Variants in UNC80 observed in about 807,000 individuals in gnomAD.
UNC80 encodes the protein unc-80 subunit of NALCN channel complex.
Under a neutral mutation model 384.6 loss-of-function variants are expected in UNC80, and 164 were observed. That is an observed-to-expected ratio of 0.43 (90% CI 0.38 to 0.49). UNC80 has a LOEUF of 0.49. Ranked by LOEUF, UNC80 falls within the 20% of genes least tolerant of loss-of-function variation. The pLI is 0.00. For missense variants in UNC80, 3,330 were observed against 4,143.0 expected, an observed-to-expected ratio of 0.80 and a Z score of 5.39; for synonymous variants, 1,486 against 1,527.8, an observed-to-expected ratio of 0.97 and a Z score of 0.64.
chr2:209,784,103 T>A (rs2077293344), intron 4 of UNC80, among the ~76,000 whole-genome samples: 1 of 152,236 alleles, frequency 6.6e-6, no homozygotes, highest in Admixed American at 6.5e-5. Flanking sequence ...CCTTGACAAC[T>A]TTTTCTCTCA....
intron 15 of UNC80, among the ~76,000 whole-genome samples, chr2:209,829,823 A>G (rs1005412626): frequency 6.6e-6 from 1 of 152,206 alleles, no homozygotes; most frequent in Non-Finnish European, 1.5e-5. Flanking sequence ...GGGAGAAAAA[A>G]CCTTACGATT....
At chr2:209,971,547 G>C (rs1559417341) in intron 54 of UNC80, among the ~76,000 whole-genome samples, 1 of 151,306 alleles carries the variant, frequency 6.6e-6, no homozygotes. Flanking sequence ...GTAAATCACT[G>C]GAAAGCTCCA....
At chr2:209,959,285 T>C (rs2092515025) in intron 50 of UNC80, 131 bp downstream of exon 50, 2 of 1,239,904 alleles carry the variant, frequency 1.6e-6, no homozygotes, top group Admixed American at 4.1e-5. Context: ...CCCCCAAAAG[T>C]GGGTTTACTA....
chr2:209,909,795 T>C (rs960083773), intron 29 of UNC80, among the ~76,000 whole-genome samples: 4 of 152,014 alleles, frequency 2.6e-5, no homozygotes, highest in East Asian at 2.0e-4. Flanking sequence ...AAAAATGTCA[T>C]TGGTCCAAGT....
In UNC80 at chr2:209,933,832, T is replaced by C; in HGVS notation, c.6005T>C (p.Ile2002Thr). ...HILFNYLVGL[I>T]MYFVRTPCEW... ...TATACTGACTTCTAGGTAGGATTAATCATGTACTTTGTGCGGACCCCCTGC... is the reference window on the plus strand; with the variant it reads ...TATACTGACTTCTAGGTAGGATTAACCATGTACTTTGTGCGGACCCCCTGC... The change falls in exon 39 of 65, where the codon ATC becomes ACC. Residue 2002 changes from isoleucine (I) to threonine (T), a missense_variant. By Grantham distance (89) the Ile-to-Thr change is moderately conservative. Coordinates refer to ENST00000673920, the MANE Select transcript of UNC80 (RefSeq NM_001371986.1). 6.4e-7 allele frequency: 1 copy of C among 1,550,892 alleles called. No homozygotes were observed. Among genetic ancestry groups the C allele is most frequent in the Non-Finnish European group, 8.7e-7 (1 of 1,146,578 alleles).
chr2:209,887,178 A>G (rs2085890850), intron 25 of UNC80, among the ~76,000 whole-genome samples: 1 of 152,114 alleles, frequency 6.6e-6, no homozygotes, highest in Admixed American at 6.6e-5. Flanking sequence ...CTAGGATTAC[A>G]GGCATGCGCC....
intron 63 of UNC80, among the ~76,000 whole-genome samples, 195 bp from the exon 64 acceptor site, chr2:209,993,870 G>C (rs543459073): frequency 6.6e-6 from 1 of 152,240 alleles, no homozygotes; most frequent in African/African-American, 2.4e-5. Context: ...ATTTTTCTAC[G>C]TAAGTCTTAC....
intron 39 of UNC80, among the ~76,000 whole-genome samples, chr2:209,935,034 A>T (rs2091150395): frequency 6.6e-6 from 1 of 152,236 alleles, no homozygotes; most frequent in Admixed American, 6.5e-5. Flanking sequence ...AGCCAAGAAG[A>T]ATACAGAAAA....
intron 31 of UNC80, among the ~76,000 whole-genome samples, chr2:209,916,865 C>A (rs371227731): frequency 1.3e-5 from 2 of 152,324 alleles, no homozygotes; most frequent in African/African-American, 4.8e-5. Flanking sequence ...CTTTTCACTT[C>A]ACAAAGCACT....
chr2:209,895,644 C>T (rs1227794870), intron 27 of UNC80, among the ~76,000 whole-genome samples: 2 of 152,134 alleles, frequency 1.3e-5, no homozygotes, highest in Non-Finnish European at 2.9e-5. Context: ...AGGTTGAAAA[C>T]ATTGTTTTGT....
At chr2:209,944,801 C>A (rs557090432) in intron 45 of UNC80, among the ~76,000 whole-genome samples, 2 of 152,022 alleles carry the variant, frequency 1.3e-5, no homozygotes, top group African/African-American at 4.8e-5. Context: ...GTTCATATAT[C>A]GCTGTATTTT....
At chr2:209,779,186 T>C (rs1213309026) in intron 4 of UNC80, among the ~76,000 whole-genome samples, 1 of 152,214 alleles carries the variant, frequency 6.6e-6, no homozygotes, top group Admixed American at 6.5e-5. Context: ...CTGTGAGCTC[T>C]GCAGGACCTA....
intron 13 of UNC80, among the ~76,000 whole-genome samples, chr2:209,823,189 T>A (rs2080264595): frequency 6.6e-6 from 1 of 152,212 alleles, no homozygotes; most frequent in South Asian, 2.1e-4. Flanking sequence ...ATTTAATATC[T>A]TCAATTTTTT....
chr2:209,873,013 T>A, intron 23 of UNC80, 43 bp downstream of exon 23: 1 of 1,500,378 alleles, frequency 6.7e-7, no homozygotes, highest in Non-Finnish European at 9.1e-7. Context: ...GTTGCTTAAG[T>A]GAAGTGGAGT....
intron 64 of UNC80, among the ~76,000 whole-genome samples, chr2:209,994,820 A>G (rs1459781334): frequency 6.6e-6 from 1 of 152,232 alleles, no homozygotes; most frequent in Non-Finnish European, 1.5e-5. Context: ...TTACCAGTTT[A>G]GATAAAGCCT....
intron 14 of UNC80, among the ~76,000 whole-genome samples, chr2:209,828,234 T>C (rs2080687984): frequency 6.6e-6 from 1 of 152,214 alleles, no homozygotes; most frequent in Non-Finnish European, 1.5e-5. Flanking sequence ...AATTAAATAC[T>C]TCTTTATGCA....
chr2:209,875,744 G>A (rs924675242), intron 23 of UNC80, among the ~76,000 whole-genome samples: 5 of 152,116 alleles, frequency 3.3e-5, no homozygotes, highest in African/African-American at 9.6e-5. Flanking sequence ...TTTCAGGACC[G>A]TCCCCTCGAA....
intron 22 of UNC80, among the ~76,000 whole-genome samples, chr2:209,870,343 A>G (rs78943586): frequency 0.014 from 2,187 of 152,326 alleles, 28 homozygotes; most frequent in Middle Eastern, 0.031. Context: ...TACCAGACAC[A>G]GATTTGCATA....
intron 59 of UNC80, among the ~76,000 whole-genome samples, chr2:209,981,234 G>T (rs888959502): frequency 1.3e-5 from 2 of 152,180 alleles, no homozygotes; most frequent in Non-Finnish European, 2.9e-5. Flanking sequence ...AAGTCACTTT[G>T]TCATAGATAC....
Sources: allele counts gnomAD v4.1 joint callset (sites outside exome capture counted in the v4.1 genomes callset), GRCh38; gene constraint gnomAD v4.1.1; transcripts MANE v1.5; gene names NCBI Gene and HGNC (gene_info 2026-07-23, HGNC 2026-07-21).